Variants in KCND2 observed in about 807,000 individuals in gnomAD.
The protein encoded by KCND2 is A-type voltage-gated potassium channel KCND2.
In KCND2, 16 loss-of-function variants were observed where a neutral mutation model predicts 54.4. The ratio of observed to expected loss-of-function variants is 0.29; its 90% confidence interval spans 0.20 to 0.45. The LOEUF is 0.45. Ranked by LOEUF, KCND2 falls within the 20% of genes least tolerant of loss-of-function variation. The probability of loss-of-function intolerance (pLI) is 1.00; values close to 1 mark genes in which losing one functional copy is unlikely to be tolerated. For missense variants in KCND2, 486 were observed against 824.2 expected (o/e 0.59, Z 5.02); for synonymous variants, 317 against 310.7 (o/e 1.02, Z -0.21).
At chr7:120,682,113 A>T (rs1396450236) in intron 1 of KCND2, among the ~76,000 whole-genome samples, 1 of 152,096 alleles carries the variant, frequency 6.6e-6, no homozygotes, top group East Asian at 1.9e-4. Flanking sequence ...TCATAACTTG[A>T]ACTTATTCAT....
chr7:120,643,734 C>CA (rs1793404938), intron 1 of KCND2, among the ~76,000 whole-genome samples: 1 of 150,726 alleles, frequency 6.6e-6, no homozygotes, highest in Non-Finnish European at 1.5e-5. Flanking sequence ...AATAAAATGT[C>CA]AAAAAATATA....
intron 1 of KCND2, among the ~76,000 whole-genome samples, chr7:120,439,645 T>G (rs1485738811): frequency 6.6e-6 from 1 of 152,012 alleles, no homozygotes. Context: ...CTAACCAAAC[T>G]CTCCATATCC....
intron 1 of KCND2, among the ~76,000 whole-genome samples, chr7:120,680,331 A>G (rs1352610995): frequency 1.3e-5 from 2 of 151,984 alleles, no homozygotes; most frequent in African/African-American, 4.8e-5. Context: ...CTTCTTCTGC[A>G]CTCATCACTA....
intron 2 of KCND2, among the ~76,000 whole-genome samples, chr7:120,737,866 A>G (rs1028958014): frequency 6.6e-6 from 1 of 151,942 alleles, no homozygotes; most frequent in Non-Finnish European, 1.5e-5. Flanking sequence ...GCTACCTAGG[A>G]TACCTTTATT....
intron 1 of KCND2, among the ~76,000 whole-genome samples, chr7:120,485,295 T>C (rs1802677575): frequency 6.6e-6 from 1 of 152,200 alleles, no homozygotes. Flanking sequence ...ACATTATTTC[T>C]ACAACTTGTA....
At chr7:120,436,865 T>C (rs1054172696) in intron 1 of KCND2, among the ~76,000 whole-genome samples, 7 of 152,212 alleles carry the variant, frequency 4.6e-5, no homozygotes, top group African/African-American at 1.4e-4. Flanking sequence ...TCAGCCCACA[T>C]GCCCAGTCAA....
chr7:120,321,707 G>T (rs1351654214), intron 1 of KCND2, among the ~76,000 whole-genome samples: 3 of 152,012 alleles, frequency 2.0e-5, no homozygotes, highest in African/African-American at 7.2e-5. Context: ...ACTTTGCTCT[G>T]GAGTCCTTTT....
intron 1 of KCND2, among the ~76,000 whole-genome samples, chr7:120,583,243 A>G (rs200138591): frequency 6.6e-6 from 1 of 152,130 alleles, no homozygotes; most frequent in Admixed American, 6.6e-5. Context: ...AGCAGGACCC[A>G]CCGACACATT....
chr7:120,590,239 G>A (rs1440202190), intron 1 of KCND2, among the ~76,000 whole-genome samples: 2 of 152,032 alleles, frequency 1.3e-5, no homozygotes, highest in East Asian at 1.9e-4. Flanking sequence ...CGCTGGTCTC[G>A]AACTCCTGAC....
intron 1 of KCND2, among the ~76,000 whole-genome samples, chr7:120,295,576 A>C (rs1799500942): frequency 6.6e-6 from 1 of 152,044 alleles, no homozygotes; most frequent in Non-Finnish European, 1.5e-5. Context: ...AATATGAGCT[A>C]TCAAGAGGAA....
chr7:120,542,350 T>C (rs931474020), intron 1 of KCND2, among the ~76,000 whole-genome samples: 4 of 152,178 alleles, frequency 2.6e-5, no homozygotes, highest in Admixed American at 2.0e-4. Context: ...CTTGACACTA[T>C]TCATCTGGCT....
chr7:120,297,889 G>C (rs1390521032), intron 1 of KCND2, among the ~76,000 whole-genome samples: 1 of 152,034 alleles, frequency 6.6e-6, no homozygotes, highest in Non-Finnish European at 1.5e-5. Context: ...CTGTGTTAAT[G>C]CCTGAAAATT....
intron 1 of KCND2, among the ~76,000 whole-genome samples, chr7:120,711,123 T>C (rs1023800385): frequency 1.3e-5 from 2 of 152,058 alleles, no homozygotes; most frequent in Admixed American, 6.6e-5. Flanking sequence ...ATGATATATA[T>C]TTTATATACA....
chr7:120,513,570 T>A (rs982708112), intron 1 of KCND2, among the ~76,000 whole-genome samples: 85 of 152,132 alleles, frequency 5.6e-4, no homozygotes, highest in African/African-American at 2.0e-3. Flanking sequence ...AACTGACTAG[T>A]TGTTTTGGTT....
At chr7:120,395,114 T>G (rs1801135137) in intron 1 of KCND2, among the ~76,000 whole-genome samples, 1 of 152,014 alleles carries the variant, frequency 6.6e-6, no homozygotes, top group Non-Finnish European at 1.5e-5. Flanking sequence ...AAATTCCCAG[T>G]TTTGTATATC....
chr7:120,509,145 G>A lies in KCND2; in HGVS notation c.1116-223758G>A, dbSNP rs116897914. Among the ~76,000 whole-genome samples the A allele has an allele frequency of 2.1e-3, 319 of 151,992 alleles. 5 individuals carry two copies. In the East Asian group the frequency reaches 0.054, roughly 26 times the overall value. On this transcript the variant is annotated intron_variant, in intron 1 of 5. Coordinates refer to ENST00000331113, the MANE Select transcript of KCND2 (RefSeq NM_012281.3). ...TTATATTTATAATGTAAGAGTGTTA[G>A]GTAACTCTCACAACCAATGGGAACT... is the stretch of plus-strand genomic sequence containing the variant.
At chr7:120,437,788 A>T (rs1485752344) in intron 1 of KCND2, among the ~76,000 whole-genome samples, 1 of 152,194 alleles carries the variant, frequency 6.6e-6, no homozygotes, top group Non-Finnish European at 1.5e-5. Context: ...ATTTGAAAAA[A>T]CTGAAAACAT....
chr7:120,590,238 C>T (rs1257589080), intron 1 of KCND2, among the ~76,000 whole-genome samples: 2 of 152,098 alleles, frequency 1.3e-5, no homozygotes, highest in African/African-American at 4.8e-5. Context: ...CCGCTGGTCT[C>T]GAACTCCTGA....
chr7:120,634,686 C>CAGCCAAAG (rs1793282288), intron 1 of KCND2, among the ~76,000 whole-genome samples: 1 of 152,234 alleles, frequency 6.6e-6, no homozygotes, highest in South Asian at 2.1e-4. Context: ...CTATCCTCCA[C>CAGCCAAAG]TGCACAGCCA....
Sources: allele counts gnomAD v4.1 joint callset (sites outside exome capture counted in the v4.1 genomes callset), GRCh38; gene constraint gnomAD v4.1.1; transcripts MANE v1.5; gene names NCBI Gene and HGNC (gene_info 2026-07-23, HGNC 2026-07-21).